The following FAM107B variants were observed in gnomAD, a reference collection of about 807,000 sequenced individuals.
FAM107B encodes the protein family with sequence similarity 107 member B, also known as protein FAM107B.
In FAM107B, 21 loss-of-function variants were observed where a neutral mutation model predicts 31.5. The observed-to-expected ratio is 0.67, with a 90% confidence interval of 0.47 to 0.96. The LOEUF is 0.96. Among genes scored for constraint, FAM107B ranks in the 40% least tolerant of loss-of-function variants. FAM107B has a pLI of 0.00. For missense variants in FAM107B, 452 were observed against 377.1 expected (o/e 1.20, Z -1.64); for synonymous variants, 157 against 141.5 (o/e 1.11, Z -0.78).
At chr10:14,756,512 T>C (rs1053163977) in intron 1 of FAM107B, among the ~76,000 whole-genome samples, 1 of 152,228 alleles carries the variant, frequency 6.6e-6, no homozygotes, top group African/African-American at 2.4e-5. Flanking sequence ...GCCTCAAGAC[T>C]GCAGCATCCA....
chr10:14,537,585 A>G (rs551276615), intron 2 of FAM107B, among the ~76,000 whole-genome samples: 10 of 152,286 alleles, frequency 6.6e-5, no homozygotes, highest in Middle Eastern at 3.4e-3. Flanking sequence ...CATACCTGTA[A>G]TCCCAGCACT....
chr10:14,548,375 C>T (rs1848913042), intron 2 of FAM107B: 1 of 974,578 alleles, frequency 1.0e-6, no homozygotes. Context: ...CTGCCAGCTC[C>T]AGGGGAGGTA....
At chr10:14,678,276 G>A (rs1327840949) in intron 1 of FAM107B, among the ~76,000 whole-genome samples, 4 of 152,234 alleles carry the variant, frequency 2.6e-5, no homozygotes, top group Non-Finnish European at 4.4e-5. Flanking sequence ...ACCTCCCAGA[G>A]TGGATACGTA....
intron 2 of FAM107B, among the ~76,000 whole-genome samples, chr10:14,633,596 G>A (rs1459092133): frequency 6.6e-6 from 1 of 152,098 alleles, no homozygotes; most frequent in Non-Finnish European, 1.5e-5. Flanking sequence ...CAGCTAATCT[G>A]TAATCCACAG....
chr10:14,639,053 T>G (rs1430886048), intron 2 of FAM107B, among the ~76,000 whole-genome samples: 1 of 151,900 alleles, frequency 6.6e-6, no homozygotes, highest in African/African-American at 2.4e-5. Flanking sequence ...TTGCCAGGCA[T>G]AGTGTTGTGC....
At chr10:14,663,616 C>G (rs1436530794) in intron 2 of FAM107B, 1 of 152,144 alleles carries the variant, frequency 6.6e-6, no homozygotes, top group South Asian at 2.1e-4. Flanking sequence ...GCTAATGTAT[C>G]CATGAAGCTA....
intron 1 of FAM107B, among the ~76,000 whole-genome samples, chr10:14,710,310 C>A (rs979683961): frequency 6.6e-6 from 1 of 152,022 alleles, no homozygotes; most frequent in Non-Finnish European, 1.5e-5. Context: ...AACAGCCAAG[C>A]TGAGGCAGGA....
intron 1 of FAM107B, among the ~76,000 whole-genome samples, chr10:14,720,496 C>A (rs931237493): frequency 1.3e-5 from 2 of 152,178 alleles, no homozygotes; most frequent in Non-Finnish European, 2.9e-5. Context: ...TCAGGTTATC[C>A]GCCTGCCTCA....
At position 14,600,758 on chromosome 10, in the gene FAM107B, G is replaced by A. The variant is rs899472645; in HGVS notation, c.469+66876C>T. 4.4e-4 allele frequency among the ~76,000 whole-genome samples: 67 copies of A among 152,112 alleles called. 1 individual carries two copies. Among genetic ancestry groups the A allele is most frequent in the Admixed American group, 3.9e-3 (59 of 15,278 alleles). On this transcript the variant is annotated intron_variant, in intron 2 of 4. Transcript: ENST00000181796. ...GGGCTCAAGTGATCCTCCTGCTTCAGCCTCCAGGGTAGCTGGGACTACAGG... is the reference window on the plus strand; with the variant it reads ...GGGCTCAAGTGATCCTCCTGCTTCAACCTCCAGGGTAGCTGGGACTACAGG...
At chr10:14,550,835 C>G (rs931334579) in intron 2 of FAM107B, among the ~76,000 whole-genome samples, 2 of 152,142 alleles carry the variant, frequency 1.3e-5, no homozygotes, top group African/African-American at 4.8e-5. Flanking sequence ...ATGAAAAGGA[C>G]AAGGACAAAG....
intron 1 of FAM107B, among the ~76,000 whole-genome samples, chr10:14,734,129 T>C (rs1426139922): frequency 6.6e-6 from 1 of 152,138 alleles, no homozygotes; most frequent in Non-Finnish European, 1.5e-5. Context: ...CTGAAAACAA[T>C]GCCAATCAAT....
chr10:14,712,282 TAAA>T (rs1055772534), intron 1 of FAM107B, among the ~76,000 whole-genome samples: 1 of 151,166 alleles, frequency 6.6e-6, no homozygotes, highest in Admixed American at 6.6e-5. Flanking sequence ...ATTAAAAAAT[TAAA>T]AAAAAATGTT....
chr10:14,708,757 T>C (rs1456578392), intron 1 of FAM107B, among the ~76,000 whole-genome samples: 2 of 152,090 alleles, frequency 1.3e-5, no homozygotes, highest in African/African-American at 4.8e-5. Context: ...ACCCCAAATA[T>C]GCAAAGAAAG....
chr10:14,754,318 A>G (rs1447451967), intron 1 of FAM107B, among the ~76,000 whole-genome samples: 2 of 152,194 alleles, frequency 1.3e-5, no homozygotes, highest in Admixed American at 6.5e-5. Context: ...GCCTCTTCTG[A>G]GTCCACGGTG....
chr10:14,542,226 C>T (rs548873254), intron 2 of FAM107B, among the ~76,000 whole-genome samples: 10 of 149,808 alleles, frequency 6.7e-5, no homozygotes, highest in South Asian at 4.3e-4. Context: ...GCCAAGGTCG[C>T]GCCACTTCAC....
intron 2 of FAM107B, among the ~76,000 whole-genome samples, chr10:14,650,949 G>A (rs916605898): frequency 7.9e-5 from 12 of 152,146 alleles, no homozygotes; most frequent in African/African-American, 1.9e-4. Context: ...AACTTCTAGC[G>A]TCTGAGCTAC....
chr10:14,540,967 G>A (rs1848130208), intron 2 of FAM107B, among the ~76,000 whole-genome samples: 1 of 152,190 alleles, frequency 6.6e-6, no homozygotes, highest in African/African-American at 2.4e-5. Flanking sequence ...TTTCTCAAAA[G>A]CAACAGAGAC....
intron 1 of FAM107B, among the ~76,000 whole-genome samples, chr10:14,767,741 T>A (rs1377195343): frequency 6.6e-6 from 1 of 152,174 alleles, no homozygotes; most frequent in Non-Finnish European, 1.5e-5. Flanking sequence ...ACTGAAAGCT[T>A]TTACTCTGAA....
intron 1 of FAM107B, among the ~76,000 whole-genome samples, chr10:14,701,276 ACT>A (rs1855392437): frequency 6.6e-6 from 1 of 151,804 alleles, no homozygotes; most frequent in African/African-American, 2.4e-5. Flanking sequence ...ACAGACTCTC[ACT>A]CTGTCGTCCA....
Sources: gnomAD v4.1 joint callset for allele counts (sites outside exome capture counted in the v4.1 genomes callset) on GRCh38, gnomAD v4.1.1 for gene constraint, MANE v1.5 for transcripts, NCBI Gene and HGNC (gene_info 2026-07-23, HGNC 2026-07-21) for gene names.